CNTN3: variants seen among roughly 807,000 people sequenced by gnomAD.
CNTN3 encodes contactin-3.
A neutral mutation model predicts 119.1 loss-of-function variants in CNTN3; 60 were observed. The observed-to-expected ratio is 0.50, with a 90% CI of 0.41 to 0.62. The LOEUF is 0.62. Ranked by LOEUF, CNTN3 falls within the 20% of genes least tolerant of loss-of-function variation. CNTN3 has a pLI of 0.00. For synonymous variants in CNTN3, 450 were observed against 438.7 expected, an observed-to-expected ratio of 1.03 and a Z score of -0.32; for missense variants, 1,101 against 1,242.4, an observed-to-expected ratio of 0.89 and a Z score of 1.71.
intron 2 of CNTN3, among the ~76,000 whole-genome samples, chr3:74,510,214 C>T (rs1264456576): frequency 6.6e-6 from 1 of 151,670 alleles, no homozygotes; most frequent in Non-Finnish European, 1.5e-5. Context: ...ATCAGATTCA[C>T]TTAACTCCAA....
intron 4 of CNTN3, among the ~76,000 whole-genome samples, chr3:74,451,223 G>C (rs959715155): frequency 6.6e-5 from 10 of 152,102 alleles, no homozygotes; most frequent in Admixed American, 6.6e-4. Context: ...GTGTGAGATG[G>C]TATCCCATTG....
At chr3:74,551,012 C>T (rs970736637) in intron 1 of CNTN3, among the ~76,000 whole-genome samples, 2 of 152,176 alleles carry the variant, frequency 1.3e-5, no homozygotes, top group African/African-American at 2.4e-5. Context: ...TACGGACTAG[C>T]CTTTAGGAAA....
At chr3:74,402,032 C>T (rs1705208130) in intron 5 of CNTN3, among the ~76,000 whole-genome samples, 1 of 152,198 alleles carries the variant, frequency 6.6e-6, no homozygotes, top group Non-Finnish European at 1.5e-5. Flanking sequence ...GAACAGAGGC[C>T]TGTGAAATGT....
chr3:74,588,356 T>C (rs1179703449), intron 1 of CNTN3, among the ~76,000 whole-genome samples: 2 of 152,088 alleles, frequency 1.3e-5, no homozygotes, highest in African/African-American at 2.4e-5. Context: ...CCGTTCACAA[T>C]TGCTTCAAAG....
chr3:74,415,809 C>G (rs903593453), intron 5 of CNTN3, among the ~76,000 whole-genome samples: 1 of 152,172 alleles, frequency 6.6e-6, no homozygotes, highest in Non-Finnish European at 1.5e-5. Flanking sequence ...CATCAGCTTT[C>G]TTGGCTGCCT....
intron 1 of CNTN3, among the ~76,000 whole-genome samples, chr3:74,563,057 A>G (rs1296121718): frequency 2.0e-5 from 3 of 152,152 alleles, no homozygotes; most frequent in Admixed American, 1.3e-4. Context: ...ATGCAACTCA[A>G]TAACAGATCG....
chr3:74,305,985 T>A (rs2106826850), intron 13 of CNTN3, among the ~76,000 whole-genome samples: 1 of 152,030 alleles, frequency 6.6e-6, no homozygotes. Flanking sequence ...TCATGGGAAT[T>A]AAACATTTAA....
chr3:74,344,479 A>G (rs916794733), intron 11 of CNTN3, among the ~76,000 whole-genome samples: 23 of 124,690 alleles, frequency 1.8e-4, no homozygotes, highest in South Asian at 5.7e-4. Flanking sequence ...AGGCTGGAGT[A>G]CAGTGGCGCG....
intron 1 of CNTN3, among the ~76,000 whole-genome samples, chr3:74,575,354 C>T (rs147165569): frequency 1.7e-3 from 261 of 151,998 alleles, no homozygotes; most frequent in African/African-American, 5.6e-3. Flanking sequence ...CAGGTTCAAG[C>T]GATTCTCCTG....
chr3:74,572,965 T>A (rs1423067518), intron 1 of CNTN3, among the ~76,000 whole-genome samples: 6 of 152,204 alleles, frequency 3.9e-5, no homozygotes, highest in Admixed American at 3.9e-4. Context: ...AAACACCACA[T>A]TGAAATGTAC....
chr3:74,524,476 T>C (rs775832169), intron 1 of CNTN3, among the ~76,000 whole-genome samples: 35 of 151,848 alleles, frequency 2.3e-4, no homozygotes, highest in Admixed American at 1.8e-3. Context: ...ACAGTCCTCA[T>C]CAGGAAGGTT....
intron 13 of CNTN3, among the ~76,000 whole-genome samples, chr3:74,314,186 C>A (rs568462881): frequency 2.8e-4 from 42 of 152,004 alleles, no homozygotes; most frequent in African/African-American, 9.7e-4. Context: ...AGAAAAAAAG[C>A]AATCATATAA....
rs1209801251 is a variant in CNTN3 at position 74,262,681 on chromosome 3, A to G, written c.*1720T>C. 6.6e-6 allele frequency: 1 copy of G among 152,624 alleles called. No homozygotes were observed. The highest frequency in any genetic ancestry group is 1.5e-5 in the Non-Finnish European group (1 of 68,006). 9.5% of individuals were successfully genotyped at this position (152,624 alleles called of 1,614,324 possible). On this transcript the variant is annotated 3_prime_UTR_variant, in exon 23 of 23. Transcript: ENST00000263665. ...TACTTTTCAATATGAAACAAAGTGC[A>G]TATCTCATGGAGATATATTGCTAGA...
rs1056673658 is a variant in CNTN3 at position 74,451,733 on chromosome 3, G to T, written c.359-26793C>A. ...GATCCAGTTTCAGCTTTCTACATAT[G>T]GCTAGCCAGTTTTCCCAGCACCATT... On this transcript the variant is annotated intron_variant, in intron 4 of 22. Transcript: ENST00000263665. 2.3e-4 allele frequency among the ~76,000 whole-genome samples: 35 copies of T among 150,630 alleles called. No homozygotes were observed. In the East Asian group the frequency reaches 6.8e-3, roughly 29 times the overall value.
chr3:74,516,807 TA>T (rs1164570221), intron 2 of CNTN3, among the ~76,000 whole-genome samples: 1 of 143,854 alleles, frequency 7.0e-6, no homozygotes, highest in African/African-American at 2.9e-5. Flanking sequence ...AAGAACATAG[TA>T]ATAGCTTAAA....
intron 11 of CNTN3, among the ~76,000 whole-genome samples, chr3:74,340,345 G>A (rs943439563): frequency 6.6e-6 from 1 of 152,136 alleles, no homozygotes; most frequent in African/African-American, 2.4e-5. Context: ...TAAGAGAACT[G>A]AGAATATGCT....
At chr3:74,270,835 T>C (rs1189360086) in intron 20 of CNTN3, among the ~76,000 whole-genome samples, 1 of 152,192 alleles carries the variant, frequency 6.6e-6, no homozygotes, top group African/African-American at 2.4e-5. Flanking sequence ...TATAGGTTTT[T>C]CCTGTCAACC....
intron 11 of CNTN3, among the ~76,000 whole-genome samples, chr3:74,347,384 G>A (rs59862370): frequency 0.02 from 3,020 of 152,082 alleles, 96 homozygotes; most frequent in African/African-American, 0.069. Flanking sequence ...TGAAACGACC[G>A]GTGTGCACCA....
At chr3:74,494,854 G>C (rs1703031588) in intron 3 of CNTN3, among the ~76,000 whole-genome samples, 2 of 152,054 alleles carry the variant, frequency 1.3e-5, no homozygotes, top group Non-Finnish European at 2.9e-5. Context: ...AGGGCAATCT[G>C]ACTTCATTTT....
Sources: gnomAD v4.1 joint callset for allele counts (sites outside exome capture counted in the v4.1 genomes callset) on GRCh38, gnomAD v4.1.1 for gene constraint, MANE v1.5 for transcripts, NCBI Gene and HGNC (gene_info 2026-07-23, HGNC 2026-07-21) for gene names.